STRN3: variants seen among roughly 807,000 people sequenced by gnomAD.
The protein encoded by STRN3 is striatin-3.
A neutral mutation model predicts 95.6 loss-of-function variants in STRN3; 29 were observed. The ratio of observed to expected loss-of-function variants is 0.30; its 90% confidence interval spans 0.23 to 0.41. The LOEUF is 0.41. Ranked by LOEUF, STRN3 falls within the 10% of genes least tolerant of loss-of-function variation. The pLI, the probability that STRN3 is intolerant of heterozygous loss-of-function variation, is 1.00. For missense variants in STRN3, 890 were observed against 972.1 expected (o/e 0.92, Z 1.12); for synonymous variants, 331 against 357.6 (o/e 0.93, Z 0.84).
intron 1 of STRN3, among the ~76,000 whole-genome samples, chr14:30,961,366 C>T (rs1169752464): frequency 1.3e-5 from 2 of 152,154 alleles, no homozygotes; most frequent in African/African-American, 4.8e-5. Flanking sequence ...TGCCACATGA[C>T]ATTTCAGTCA....
At chr14:30,929,954 C>CAAA (rs1191963792) in intron 7 of STRN3, among the ~76,000 whole-genome samples, 696 of 39,882 alleles carry the variant, frequency 0.017, 85 homozygotes, top group African/African-American at 0.067. Context: ...CTAAGATTAG[C>CAAA]AAAAAAAAAA....
intron 5 of STRN3, among the ~76,000 whole-genome samples, chr14:30,944,618 C>T (rs1475466912): frequency 2.2e-5 from 2 of 92,788 alleles, no homozygotes; most frequent in African/African-American, 4.2e-5. Flanking sequence ...CATATATATA[C>T]ACATTTTTTT....
intron 1 of STRN3, among the ~76,000 whole-genome samples, chr14:31,020,904 T>C (rs1193516219): frequency 6.6e-6 from 1 of 151,630 alleles, no homozygotes; most frequent in Non-Finnish European, 1.5e-5. Flanking sequence ...GGACGCTCTC[T>C]TGAAAAAAAA....
chr14:30,901,815 G>C (rs1896323294), intron 16 of STRN3, among the ~76,000 whole-genome samples: 1 of 152,166 alleles, frequency 6.6e-6, no homozygotes, highest in African/African-American at 2.4e-5. Context: ...ATACAGGGAA[G>C]ATGATAATAA....
intron 1 of STRN3, among the ~76,000 whole-genome samples, chr14:30,960,893 G>C (rs1363881718): frequency 7.5e-6 from 1 of 133,432 alleles, no homozygotes; most frequent in Admixed American, 7.7e-5. Context: ...AAAAAAAATA[G>C]AAAGAAAAGA....
At chr14:30,982,960 G>A (rs1881484930) in intron 1 of STRN3, among the ~76,000 whole-genome samples, 1 of 152,084 alleles carries the variant, frequency 6.6e-6, no homozygotes, top group East Asian at 1.9e-4. Flanking sequence ...TATAATAAAA[G>A]TTAAAACTTA....
At chr14:30,915,570 G>C (rs1896717146) in intron 9 of STRN3, among the ~76,000 whole-genome samples, 1 of 152,074 alleles carries the variant, frequency 6.6e-6, no homozygotes, top group Non-Finnish European at 1.5e-5. Context: ...AATACCAGAA[G>C]CAGCTAAAAA....
chr14:30,989,061 T>C (rs1358467744), intron 1 of STRN3, among the ~76,000 whole-genome samples: 1 of 152,168 alleles, frequency 6.6e-6, no homozygotes, highest in African/African-American at 2.4e-5. Context: ...CTACCCCAGG[T>C]AGATTCTTAA....
chr14:30,967,334 CAGAG>C (rs1008843918), intron 1 of STRN3, among the ~76,000 whole-genome samples: 1 of 150,790 alleles, frequency 6.6e-6, no homozygotes, highest in Non-Finnish European at 1.5e-5. Context: ...GACAGAGAGT[CAGAG>C]AGAGAGAAAG....
rs184630658 is a variant in STRN3, at chr14:30,969,045, T to A, written c.283-12803A>T. On this transcript the variant is annotated intron_variant, in intron 1 of 17. Transcript: ENST00000357479. ...AAACATATTAGCCAAAGAGGTATCA[T>A]CCAGTTTTTCTGTGAACTGGATATT... is the stretch of plus-strand genomic sequence containing the variant. Among the ~76,000 whole-genome samples the A allele has an allele frequency of 5.3e-5, 8 of 152,364 alleles. No individual in the cohort carries two copies. The South Asian group carries it at 1.7e-3, about 32-fold the overall frequency.
rs1555327131 is a variant in STRN3, at chr14:31,013,886, T to TTG, written c.282+12017_282+12018insCA. ...ATTTTATTATTATTATTATTATTAT[T>TTG]ATTATTATTATTATTATTATTATTA... On this transcript the variant is annotated intron_variant, in intron 1 of 17. Coordinates refer to ENST00000357479, the MANE Select transcript of STRN3 (RefSeq NM_001083893.2). Among the ~76,000 whole-genome samples, 269 of 136,192 alleles carry TTG rather than the reference T, an allele frequency of 2.0e-3. 1 individual carries two copies. Among genetic ancestry groups the TTG allele is most frequent in the Admixed American group, 7.8e-3 (106 of 13,598 alleles). 89.3% of individuals were successfully genotyped at this position (136,192 alleles called of 152,430 possible).
chr14:30,978,956 C>T (rs1344192279), intron 1 of STRN3, among the ~76,000 whole-genome samples: 1 of 138,542 alleles, frequency 7.2e-6, no homozygotes, highest in Admixed American at 8.2e-5. Context: ...ATCGTTTGAA[C>T]CCATGATGCA....
At chr14:30,957,075 T>C (rs1388110780) in intron 1 of STRN3, among the ~76,000 whole-genome samples, 2 of 152,108 alleles carry the variant, frequency 1.3e-5, no homozygotes, top group Non-Finnish European at 2.9e-5. Context: ...GGAGAATCGC[T>C]TGAACCTGGG....
chr14:30,957,305 T>C (rs796528460), intron 1 of STRN3, among the ~76,000 whole-genome samples: 1 of 151,586 alleles, frequency 6.6e-6, no homozygotes, highest in South Asian at 2.1e-4. Flanking sequence ...ATACAAAAAA[T>C]TGCCAGGCGT....
intron 1 of STRN3, among the ~76,000 whole-genome samples, chr14:31,012,566 T>C (rs1205800232): frequency 6.6e-6 from 1 of 152,178 alleles, no homozygotes; most frequent in African/African-American, 2.4e-5. Flanking sequence ...CTTTGGCCTA[T>C]CTACACAAAA....
intron 16 of STRN3, among the ~76,000 whole-genome samples, chr14:30,896,692 C>T (rs909444015): frequency 7.9e-5 from 12 of 152,170 alleles, no homozygotes; most frequent in African/African-American, 2.4e-4. Flanking sequence ...TCTACCTAAA[C>T]ATTCCATTAT....
chr14:30,966,859 C>T (rs1159466749), intron 1 of STRN3, among the ~76,000 whole-genome samples: 1 of 152,058 alleles, frequency 6.6e-6, no homozygotes, highest in African/African-American at 2.4e-5. Context: ...TAAGAGGGGC[C>T]TAATTCTCCC....
chr14:31,025,709 G>C, intron 1 of STRN3, 195 bp downstream of exon 1: 1 of 818,398 alleles, frequency 1.2e-6, no homozygotes, highest in South Asian at 1.8e-5. Flanking sequence ...GAAGGTTGGG[G>C]AGCAAGCTTA....
At chr14:31,022,270 C>T (rs1324181487) in intron 1 of STRN3, among the ~76,000 whole-genome samples, 1 of 151,640 alleles carries the variant, frequency 6.6e-6, no homozygotes, top group Non-Finnish European at 1.5e-5. Context: ...GTCCCAGCTA[C>T]TGGGGAGGCT....
Sources: allele counts gnomAD v4.1 joint callset (sites outside exome capture counted in the v4.1 genomes callset), GRCh38; gene constraint gnomAD v4.1.1; transcripts MANE v1.5; gene names NCBI Gene and HGNC (gene_info 2026-07-23, HGNC 2026-07-21).